Variants in UBE2W observed in about 807,000 individuals in gnomAD.
UBE2W encodes ubiquitin-conjugating enzyme E2 W.
A neutral mutation model predicts 27.2 loss-of-function variants in UBE2W; 18 were observed. The ratio of observed to expected loss-of-function variants is 0.66; its 90% CI spans 0.46 to 0.98. The LOEUF (loss-of-function observed/expected upper bound fraction) is 0.98. Ranked by LOEUF, UBE2W falls within the 50% of genes least tolerant of loss-of-function variation. UBE2W has a pLI of 0.00. For missense variants in UBE2W, 90 were observed against 180.2 expected, an observed-to-expected ratio of 0.50 and a Z score of 2.87; for synonymous variants, 53 against 57.2, an observed-to-expected ratio of 0.93 and a Z score of 0.33.
chr8:73,854,144 G>A (rs917623369), intron 1 of UBE2W, among the ~76,000 whole-genome samples: 9 of 151,776 alleles, frequency 5.9e-5, no homozygotes, highest in East Asian at 3.9e-4. Flanking sequence ...ATGAAACTCC[G>A]TCTCAAAAAA....
intron 1 of UBE2W, among the ~76,000 whole-genome samples, chr8:73,863,058 C>T (rs1403973695): frequency 1.6e-5 from 2 of 121,922 alleles, no homozygotes; most frequent in Non-Finnish European, 3.2e-5. Flanking sequence ...TACCATTTGA[C>T]CCAGCCATCC....
chr8:73,859,676 G>A (rs1391402490), intron 1 of UBE2W, among the ~76,000 whole-genome samples: 1 of 152,072 alleles, frequency 6.6e-6, no homozygotes, highest in Non-Finnish European at 1.5e-5. Flanking sequence ...AAGTTTTTGG[G>A]AAGTAAAGTT....
rs918045155 is a variant in UBE2W at position 73,790,632 on chromosome 8, T to G, written c.*3470A>C. On this transcript the variant is annotated 3_prime_UTR_variant, in exon 6 of 6. Transcript: ENST00000602593. Reference sequence around the variant, plus strand: ...AGAACTAGTGACACTGAATTCTTTATTTAAAAAAATTTTTGTAACACACAG... The same window carrying G: ...AGAACTAGTGACACTGAATTCTTTAGTTAAAAAAATTTTTGTAACACACAG... The G allele has an allele frequency of 1.0e-6, 1 of 984,792 alleles. No homozygotes were observed. Among genetic ancestry groups the G allele is most frequent in the Non-Finnish European group, 1.2e-6 (1 of 829,448 alleles). The allele number at this position is 984,792 out of a possible 1,614,324, so 61.0% of individuals were successfully genotyped here.
Position 73,790,732 on chromosome 8 carries a change from G to A in UBE2W, c.*3370C>T, listed in dbSNP as rs1808155033. ...ATATCTCAATTCTGAAAAACAATAG[G>A]CTTTTAAAAAATAAGACTTGATTAC... On this transcript the variant is annotated 3_prime_UTR_variant, in exon 6 of 6. Coordinates refer to ENST00000602593, the MANE Select transcript of UBE2W (RefSeq NM_018299.6). 5.1e-6 allele frequency: 5 copies of A among 974,432 alleles called. No individual in the cohort carries two copies. The highest frequency in any genetic ancestry group is 6.1e-6 in the Non-Finnish European group (5 of 820,304). The allele number at this position is 974,432 out of a possible 1,614,324, so 60.4% of individuals were successfully genotyped here.
In UBE2W at chr8:73,792,302, GC is replaced by G; in HGVS notation, c.*1799del. 1.0e-6 allele frequency: 1 copy of G among 985,054 alleles called. No homozygotes were observed. Among genetic ancestry groups the G allele is most frequent in the Non-Finnish European group, 1.2e-6 (1 of 829,702 alleles). The allele number at this position is 985,054 out of a possible 1,614,324, so 61.0% of individuals were successfully genotyped here. A position where few individuals can be genotyped will look rare whatever the true frequency, so the allele number is the denominator to read the frequency against. On this transcript the variant is annotated 3_prime_UTR_variant, in exon 6 of 6. Coordinates refer to ENST00000602593, the MANE Select transcript of UBE2W (RefSeq NM_018299.6). ...TTTTAAAAGTGGTAATTGTTAACTA[GC>G]AGTATATAAACAGTGTCCACAATTT...
rs569177162 is a variant in UBE2W, at chr8:73,844,843, C to T, written c.16-14371G>A. Among the ~76,000 whole-genome samples, 129 of 151,862 alleles carry T rather than the reference C, an allele frequency of 8.5e-4. 3 individuals carry two copies. In the South Asian group the frequency reaches 0.02, roughly 23 times the overall value. On this transcript the variant is annotated intron_variant, in intron 1 of 5. Transcript: ENST00000602593. ...GAGTGTCTCTGCACCGCCGCCACCC[C>T]GTCTGGGAGGTGCGGAGCGTCTCCG...
At chr8:73,827,337 CCAA>C (rs1462505430) in intron 2 of UBE2W, among the ~76,000 whole-genome samples, 1 of 152,122 alleles carries the variant, frequency 6.6e-6, no homozygotes, top group Non-Finnish European at 1.5e-5. Flanking sequence ...CCTCAGCCTC[CCAA>C]GTAGCTGGGA....
chr8:73,808,890 T>C (rs75910605), intron 4 of UBE2W, among the ~76,000 whole-genome samples: 2,173 of 152,312 alleles, frequency 0.014, 39 homozygotes, highest in Non-Finnish European at 0.022. Flanking sequence ...ACACAGAATA[T>C]AGTCATTCTC....
rs540248354 is a variant in UBE2W, at chr8:73,799,067, AG to A, written c.443-4953del. On this transcript the variant is annotated intron_variant, in intron 5 of 5. Transcript: ENST00000602593. ...GTATGACTTCAATTTCTTAGTGAAT[AG>A]AAACTATAAAGGAATTCTGGAAAAC... is the stretch of plus-strand genomic sequence containing the variant. 1.1e-3 allele frequency among the ~76,000 whole-genome samples: 161 copies of A among 152,272 alleles called. No individual in the cohort carries two copies. In the Middle Eastern group the frequency reaches 0.014, roughly 13 times the overall value.
chr8:73,850,894 C>G (rs749252942), intron 1 of UBE2W, among the ~76,000 whole-genome samples: 14 of 152,036 alleles, frequency 9.2e-5, no homozygotes, highest in Admixed American at 2.6e-4. Flanking sequence ...GGGTCTCACT[C>G]TGTTGCCCAG....
At chr8:73,832,971 CA>C (rs1301342275) in intron 1 of UBE2W, among the ~76,000 whole-genome samples, 2 of 152,088 alleles carry the variant, frequency 1.3e-5, no homozygotes, top group African/African-American at 2.4e-5. Context: ...GGGAGGATCG[CA>C]ATGTCAAGAG....
At position 73,810,514 on chromosome 8, in the gene UBE2W, C is replaced by T; in HGVS notation, c.326G>A (p.Cys109Tyr). ...WSPALSVQSVCLSIISMLSSC... is the reference protein window; with the variant it reads ...WSPALSVQSVYLSIISMLSSC... Reference sequence around the variant, plus strand: ...GGAAAGCATGCTAATAATGCTAAGACAAACTGATTGGACTGAGAGCGCTGG... The same window carrying T: ...GGAAAGCATGCTAATAATGCTAAGATAAACTGATTGGACTGAGAGCGCTGG... Residue 109 changes from cysteine (C) to tyrosine (Y), a missense_variant, in exon 4 of 6, where the codon TGT becomes TAT. Physicochemically the swap from Cys to Tyr is radical, Grantham distance 194. Coordinates refer to ENST00000602593, the MANE Select transcript of UBE2W (RefSeq NM_018299.6). The T allele has an allele frequency of 6.2e-7, 1 of 1,612,504 alleles. No homozygotes were observed. Among genetic ancestry groups the T allele is most frequent in the South Asian group, 1.1e-5 (1 of 90,954 alleles).
downstream of UBE2W, among the ~76,000 whole-genome samples, chr8:73,781,929 CTTTTTTTTTTTTTTTT>C (rs71269945): frequency 7.3e-5 from 7 of 96,014 alleles, no homozygotes; most frequent in East Asian, 3.1e-4. Context: ...TAAAAGCCTC[CTTTTTTTTTTTTTTTT>C]TTTTTTTTTT....
At chr8:73,830,351 CAAAG>C (rs1810021670) in intron 2 of UBE2W, 26 bp downstream of exon 2, 1 of 1,498,570 alleles carries the variant, frequency 6.7e-7, no homozygotes, top group Non-Finnish European at 9.2e-7. Context: ...GGTAATAAAA[CAAAG>C]AGCCCTTTTA....
intron 2 of UBE2W, among the ~76,000 whole-genome samples, chr8:73,829,160 A>G (rs952149897): frequency 1.3e-5 from 2 of 152,204 alleles, no homozygotes; most frequent in African/African-American, 4.8e-5. Context: ...CTGGTAATCT[A>G]TTAAAATGTT....
chr8:73,856,453 C>T (rs772638432), intron 1 of UBE2W, among the ~76,000 whole-genome samples: 90 of 149,886 alleles, frequency 6.0e-4, no homozygotes, highest in Middle Eastern at 6.8e-3. Flanking sequence ...CAACCTCCAC[C>T]TCTCAGGTTC....
At position 73,791,957 on chromosome 8, in the gene UBE2W, T is replaced by A; in HGVS notation, c.*2145A>T. The A allele has an allele frequency of 1.0e-6, 1 of 985,300 alleles. No homozygotes were observed. The highest frequency in any genetic ancestry group is 1.2e-6 in the Non-Finnish European group (1 of 829,772). The allele number at this position is 985,300 out of a possible 1,614,324, so 61.0% of individuals were successfully genotyped here. On this transcript the variant is annotated 3_prime_UTR_variant, in exon 6 of 6. Coordinates refer to ENST00000602593, the MANE Select transcript of UBE2W (RefSeq NM_018299.6). ...TCTATAGTATAGCATTGTTAATCTTTGACTCAGTATATTAATTCCTTTGGT... is the reference window on the plus strand; with the variant it reads ...TCTATAGTATAGCATTGTTAATCTTAGACTCAGTATATTAATTCCTTTGGT...
Position 73,805,472 on chromosome 8 carries a change from C to CAAAAAACAAAAAAAAAACAAAACAAA in UBE2W, c.442+178_442+179insTTTGTTTTGTTTTTTTTTTGTTTTTT, listed in dbSNP as rs1808855133. Among the ~76,000 whole-genome samples, 3 of 43,676 alleles carry CAAAAAACAAAAAAAAAACAAAACAAA rather than the reference C, an allele frequency of 6.9e-5. 1 individual carries two copies. The highest frequency in any genetic ancestry group is 1.5e-4 in the Non-Finnish European group (3 of 20,124). 28.7% of individuals were successfully genotyped at this position (43,676 alleles called of 152,430 possible). A position where few individuals can be genotyped will look rare whatever the true frequency, so the allele number is the denominator to read the frequency against. Reference sequence around the variant, plus strand: ...TCCATCTCAAAAAAAAAAAAAAAAACAAAAAAAACTAGGGTAATTCATCCA... The same window carrying CAAAAAACAAAAAAAAAACAAAACAAA: ...TCCATCTCAAAAAAAAAAAAAAAAACAAAAAACAAAAAAAAAACAAAACAAAAAAAAAAACTAGGGTAATTCATCCA... On this transcript the variant is annotated intron_variant, in intron 5 of 5. Coordinates refer to ENST00000602593, the MANE Select transcript of UBE2W (RefSeq NM_018299.6).
chr8:73,840,143 G>T (rs894370036), intron 1 of UBE2W, among the ~76,000 whole-genome samples: 3 of 151,930 alleles, frequency 2.0e-5, no homozygotes, highest in Admixed American at 2.0e-4. Context: ...TGCAAACTCT[G>T]CCTCCAAGGT....
Sources: allele counts gnomAD v4.1 joint callset (sites outside exome capture counted in the v4.1 genomes callset), GRCh38; gene constraint gnomAD v4.1.1; transcripts MANE v1.5; gene names NCBI Gene and HGNC (gene_info 2026-07-23, HGNC 2026-07-21).